Variants in ZNF566 observed in about 807,000 individuals in gnomAD.
ZNF566 encodes zinc finger protein 566.
Under a neutral mutation model 32.8 loss-of-function variants are expected in ZNF566, and 27 were observed. That is an observed-to-expected ratio of 0.82 (90% confidence interval 0.61 to 1.14). The LOEUF is 1.14. ZNF566 is among the 50% of genes most tolerant of loss of function. The pLI, the probability that ZNF566 is intolerant of heterozygous loss-of-function variation, is 0.00. For synonymous variants in ZNF566, 154 were observed against 159.5 expected (o/e 0.97, Z 0.26); for missense variants, 402 against 490.4 (o/e 0.82, Z 1.70).
chr19:36,468,167 A>G (rs910965283), intron 4 of ZNF566, among the ~76,000 whole-genome samples: 6 of 148,492 alleles, frequency 4.0e-5, no homozygotes, highest in African/African-American at 1.5e-4. Flanking sequence ...CCTGGGCAAC[A>G]AGAGTGAAAC....
chr19:36,484,587 CT>C lies in ZNF566; in HGVS notation c.-60+4898del, dbSNP rs34052223. 1.5e-3 allele frequency among the ~76,000 whole-genome samples: 173 copies of C among 111,908 alleles called. 1 individual carries two copies. Among genetic ancestry groups the C allele is most frequent in the African/African-American group, 4.7e-3 (138 of 29,082 alleles). The allele number at this position is 111,908 out of a possible 152,430, so 73.4% of individuals were successfully genotyped here. ...GAGAAATAGGATTTTGGCATAGTTT[CT>C]TTTTTTTTTTTTTTTTTTTGAGATG... On this transcript the variant is annotated intron_variant, in intron 1 of 4. Coordinates refer to ENST00000452939, the MANE Select transcript of ZNF566 (RefSeq NM_001145344.1).
rs557218113 is a variant in ZNF566, at chr19:36,480,177, C to A, written c.-59-3561G>T. Among the ~76,000 whole-genome samples the A allele has an allele frequency of 5.3e-5, 8 of 152,078 alleles. No individual in the cohort carries two copies. In the South Asian group the frequency reaches 1.7e-3, roughly 32 times the overall value. ...AACTACAGATTTCAAGACAGCAGTA[C>A]AGACAAAACAATAAAACCAAATAGA... On this transcript the variant is annotated intron_variant, in intron 1 of 4. Coordinates refer to ENST00000452939, the MANE Select transcript of ZNF566 (RefSeq NM_001145344.1).
chr19:36,487,812 G>A (rs1212278697), intron 1 of ZNF566, among the ~76,000 whole-genome samples: 8 of 143,516 alleles, frequency 5.6e-5, no homozygotes, highest in South Asian at 2.3e-4. Context: ...CAGGAGAATC[G>A]TTTGAACCCA....
chr19:36,472,791 A>T (rs903296349), intron 4 of ZNF566, 120 bp downstream of exon 4: 4 of 721,168 alleles, frequency 5.5e-6, no homozygotes, highest in Non-Finnish European at 9.2e-6. Flanking sequence ...GCTCATGTAG[A>T]AAAGGTCTTA....
Position 36,449,055 on chromosome 19 carries a change from T to C in ZNF566, c.1179A>G (p.Lys393=). 1.2e-6 allele frequency: 2 copies of C among 1,613,482 alleles called. No homozygotes were observed. The highest frequency in any genetic ancestry group is 1.7e-6 in the Non-Finnish European group (2 of 1,179,762). Residue 393 remains lysine (K), a synonymous_variant, in exon 5 of 5, where the codon AAA becomes AAG. Coordinates refer to ENST00000452939, the MANE Select transcript of ZNF566 (RefSeq NM_001145344.1). ...ISHHRIHTSE[K]PYEYRECGKN... ...TTCCACATTCCCTATATTCATAGGG[T>C]TTCTCACTAGTATGAATTCTATGAT...
At chr19:36,454,405 T>C (rs2033247988) in intron 4 of ZNF566, among the ~76,000 whole-genome samples, 1 of 152,070 alleles carries the variant, frequency 6.6e-6, no homozygotes, top group Non-Finnish European at 1.5e-5. Context: ...CAGTCAGGAT[T>C]AGCTCGGCAG....
Position 36,449,369 on chromosome 19 carries a change from C to A in ZNF566, c.865G>T (p.Gly289Trp). ...GEKPYECKECGKAFSSGSNFT... is the reference protein window; with the variant it reads ...GEKPYECKECWKAFSSGSNFT... ...TTTGAGCCACTACTAAAGGCCTTCC[C>A]GCATTCTTTGCATTCATAAGGCTTC... Residue 289 changes from glycine (G) to tryptophan (W), a missense_variant, in exon 5 of 5, where the codon GGG becomes TGG. Gly to Trp is a radical substitution (Grantham distance 184). Transcript: ENST00000452939. 6.2e-7 allele frequency: 1 copy of A among 1,614,120 alleles called. No homozygotes were observed. Among genetic ancestry groups the A allele is most frequent in the Non-Finnish European group, 8.5e-7 (1 of 1,180,014 alleles).
chr19:36,449,872 T>C lies in ZNF566; in HGVS notation c.362A>G (p.Asp121Gly), dbSNP rs199626122. ...RDFQCSSFRDDWECNRQFKKE... is the reference protein window; with the variant it reads ...RDFQCSSFRDGWECNRQFKKE... ...CTTAAACTGCCGATTACATTCCCAA[T>C]CATCTCTGAAACTGGAGCACTGAAA... is the stretch of plus-strand genomic sequence containing the variant. Residue 121 changes from aspartate to glycine, a missense_variant, in exon 5 of 5, where the codon GAT becomes GGT. Transcript: ENST00000452939. 1.2e-5 allele frequency: 20 copies of C among 1,614,124 alleles called. 1 individual carries two copies. In the African/African-American group the frequency reaches 2.3e-4, roughly 18 times the overall value.
intron 1 of ZNF566, among the ~76,000 whole-genome samples, chr19:36,477,076 T>C (rs1452136368): frequency 6.6e-6 from 1 of 152,050 alleles, no homozygotes; most frequent in Non-Finnish European, 1.5e-5. Context: ...AGTGGTGCAA[T>C]CTTGGCTCAC....
intron 1 of ZNF566, among the ~76,000 whole-genome samples, chr19:36,483,930 CTT>C (rs1482502780): frequency 6.6e-6 from 1 of 151,988 alleles, no homozygotes; most frequent in African/African-American, 2.4e-5. Flanking sequence ...GAGTTTTGCT[CTT>C]GTTGCCTAAG....
intron 4 of ZNF566, among the ~76,000 whole-genome samples, chr19:36,463,983 C>T (rs2033548710): frequency 6.6e-6 from 1 of 152,048 alleles, no homozygotes; most frequent in Non-Finnish European, 1.5e-5. Flanking sequence ...ACCTCGGCCT[C>T]CCAAAGTGTT....
chr19:36,475,620 T>G (rs1177793544), intron 2 of ZNF566, among the ~76,000 whole-genome samples: 1 of 152,170 alleles, frequency 6.6e-6, no homozygotes, highest in Non-Finnish European at 1.5e-5. Context: ...GGGGAACACA[T>G]TTCTGCCCTA....
chr19:36,470,038 T>C, intron 4 of ZNF566, among the ~76,000 whole-genome samples: 1 of 152,240 alleles, frequency 6.6e-6, no homozygotes, highest in East Asian at 1.9e-4. Context: ...GTTCACCTTC[T>C]ATCCTGCTGT....
chr19:36,485,586 A>T (rs1233114900), intron 1 of ZNF566, among the ~76,000 whole-genome samples: 1 of 151,410 alleles, frequency 6.6e-6, no homozygotes, highest in Non-Finnish European at 1.5e-5. Context: ...ACATGGTGAA[A>T]CCCCATCTCT....
At chr19:36,470,809 A>C (rs1600163061) in intron 4 of ZNF566, among the ~76,000 whole-genome samples, 1 of 150,366 alleles carries the variant, frequency 6.7e-6, no homozygotes, top group African/African-American at 2.5e-5. Flanking sequence ...ACTCGGGAGG[A>C]TGAGGCACGA....
chr19:36,445,181 A>C lies in ZNF566; in HGVS notation c.*3796T>G, dbSNP rs1403557625. On this transcript the variant is annotated 3_prime_UTR_variant, in exon 5 of 5. Transcript: ENST00000452939. Reference sequence around the variant, plus strand: ...CTATATATTAATAATATATACATACATCTTTATTTCCAAGTAATAAAAGCT... The same window carrying C: ...CTATATATTAATAATATATACATACCTCTTTATTTCCAAGTAATAAAAGCT... The C allele has an allele frequency of 6.6e-6, 1 of 152,160 alleles. No homozygotes were observed. The highest frequency in any genetic ancestry group is 6.5e-5 in the Admixed American group (1 of 15,270). 9.4% of individuals were successfully genotyped at this position (152,160 alleles called of 1,614,324 possible).
chr19:36,471,888 G>A (rs547862354), intron 4 of ZNF566, among the ~76,000 whole-genome samples: 11 of 151,898 alleles, frequency 7.2e-5, no homozygotes, highest in Admixed American at 1.3e-4. Flanking sequence ...GATTACAGGC[G>A]CATGCTACCA....
Position 36,449,370 on chromosome 19 carries a change from G to T in ZNF566, c.864C>A (p.Cys288Ter), listed in dbSNP as rs753684547. 6.2e-7 allele frequency: 1 copy of T among 1,613,776 alleles called. No individual in the cohort carries two copies. Among genetic ancestry groups the T allele is most frequent in the Non-Finnish European group, 8.5e-7 (1 of 1,179,966 alleles). The change falls in exon 5 of 5, where the codon TGC (cysteine) becomes TGA (stop). Residue 288 changes from cysteine to a stop codon, truncating the protein, a stop_gained. Transcript: ENST00000452939. LOFTEE classifies it high-confidence loss of function. ...TTGAGCCACTACTAAAGGCCTTCCCGCATTCTTTGCATTCATAAGGCTTCT... is the reference window on the plus strand; with the variant it reads ...TTGAGCCACTACTAAAGGCCTTCCCTCATTCTTTGCATTCATAAGGCTTCT... ...TGEKPYECKE[C>*]GKAFSSGSNF...
chr19:36,457,007 G>C lies in ZNF566; in HGVS notation c.233-7006C>G, dbSNP rs755769486. ...GATAGATTTCAAAATAGATTACAAA[G>C]CTGCAGTAATCAAAACAGCACGGCA... is the stretch of plus-strand genomic sequence containing the variant. On this transcript the variant is annotated intron_variant, in intron 4 of 4. Coordinates refer to ENST00000452939, the MANE Select transcript of ZNF566 (RefSeq NM_001145344.1). Among the ~76,000 whole-genome samples, 49 of 152,286 alleles carry C rather than the reference G, an allele frequency of 3.2e-4. 1 individual carries two copies. Among genetic ancestry groups the C allele is most frequent in the South Asian group, 8.3e-4 (4 of 4,822 alleles).
Sources: gnomAD v4.1 joint callset for allele counts (sites outside exome capture counted in the v4.1 genomes callset) on GRCh38, gnomAD v4.1.1 for gene constraint, MANE v1.5 for transcripts, NCBI Gene and HGNC (gene_info 2026-07-23, HGNC 2026-07-21) for gene names.